CACNA2D1: variants seen among roughly 807,000 people sequenced by gnomAD.
CACNA2D1 encodes the protein voltage-dependent calcium channel subunit alpha-2/delta-1.
A neutral mutation model predicts 171.5 loss-of-function variants in CACNA2D1; 53 were observed. The ratio of observed to expected loss-of-function variants is 0.31; its 90% CI spans 0.25 to 0.39. CACNA2D1 has a LOEUF of 0.39. CACNA2D1 is among the 10% of genes least tolerant of loss of function. The pLI, the probability that CACNA2D1 is intolerant of heterozygous loss-of-function variation, is 1.00. For synonymous variants in CACNA2D1, 442 were observed against 443.1 expected (o/e 1.00, Z 0.03); for missense variants, 903 against 1,299.8 (o/e 0.69, Z 4.69).
At chr7:82,137,616 A>C (rs1446455916) in intron 4 of CACNA2D1, among the ~76,000 whole-genome samples, 2 of 151,438 alleles carry the variant, frequency 1.3e-5, no homozygotes, top group African/African-American at 4.9e-5. Context: ...TCACGCCTGT[A>C]ATCCCAGCAC....
chr7:81,955,905 TGGG>T (rs59823054), intron 38 of CACNA2D1, among the ~76,000 whole-genome samples: 10 of 53,950 alleles, frequency 1.9e-4, no homozygotes, highest in East Asian at 5.2e-4. Flanking sequence ...GTTATTTTGG[TGGG>T]GGGGGGGGGG....
chr7:82,378,773 T>C (rs1230607589), intron 1 of CACNA2D1, among the ~76,000 whole-genome samples: 1 of 152,194 alleles, frequency 6.6e-6, no homozygotes, highest in Non-Finnish European at 1.5e-5. Context: ...AGAATTTGAC[T>C]CTGAGACCTG....
intron 38 of CACNA2D1, among the ~76,000 whole-genome samples, chr7:81,951,718 A>G (rs1358105044): frequency 7.9e-5 from 12 of 152,142 alleles, no homozygotes; most frequent in Admixed American, 4.6e-4. Flanking sequence ...TATATATACC[A>G]CATTTTCTTT....
At chr7:82,233,591 C>T (rs17176295) in intron 3 of CACNA2D1, among the ~76,000 whole-genome samples, 54,815 of 151,866 alleles carry the variant, frequency 0.36, 10,898 homozygotes, top group Non-Finnish European at 0.45. Context: ...AAGTGAAGTA[C>T]ACCAGATGAA....
intron 3 of CACNA2D1, among the ~76,000 whole-genome samples, chr7:82,331,516 A>C (rs74391869): frequency 0.022 from 3,278 of 152,270 alleles, 145 homozygotes; most frequent in African/African-American, 0.074. Flanking sequence ...CAAGGAAGTT[A>C]AGCAAAGAAT....
At chr7:82,428,016 C>G (rs542844869) in intron 1 of CACNA2D1, among the ~76,000 whole-genome samples, 40 of 152,000 alleles carry the variant, frequency 2.6e-4, no homozygotes, top group African/African-American at 9.2e-4. Context: ...TAGTGAGATA[C>G]CAAGACTCCG....
At chr7:82,237,617 C>G (rs1803761979) in intron 3 of CACNA2D1, among the ~76,000 whole-genome samples, 1 of 151,936 alleles carries the variant, frequency 6.6e-6, no homozygotes, top group Non-Finnish European at 1.5e-5. Context: ...AAGCAAAGTA[C>G]AGATTGCAAG....
chr7:82,197,557 ATC>A (rs747166397), intron 3 of CACNA2D1, among the ~76,000 whole-genome samples: 1 of 152,196 alleles, frequency 6.6e-6, no homozygotes, highest in South Asian at 2.1e-4. Context: ...TATGGTAGAA[ATC>A]ACTTTTAATG....
chr7:82,265,416 CTTTTTTTT>C (rs765047961), intron 3 of CACNA2D1, among the ~76,000 whole-genome samples: 2 of 77,306 alleles, frequency 2.6e-5, no homozygotes, highest in Non-Finnish European at 5.1e-5. Context: ...TTTTTCCTTT[CTTTTTTTT>C]TTTTTTTTTT....
rs3054696 is a variant in CACNA2D1, at chr7:82,345,681, A to AGTGTGTGTGTGTGT, written c.177+3873_177+3886dup. On this transcript the variant is annotated intron_variant, in intron 2 of 38. Coordinates refer to ENST00000356860, the MANE Select transcript of CACNA2D1 (RefSeq NM_000722.4). ...CATTTGCCAGTGCAGTAGCTAAAGG[A>AGTGTGTGTGTGTGT]GTGTGTGTGTGTGTGTGTGTGTGTG... 3.8e-4 allele frequency among the ~76,000 whole-genome samples: 55 copies of AGTGTGTGTGTGTGT among 146,442 alleles called. 1 individual carries two copies. Among genetic ancestry groups the AGTGTGTGTGTGTGT allele is most frequent in the South Asian group, 4.4e-4 (2 of 4,508 alleles).
chr7:82,115,448 CT>C (rs1312394891), intron 6 of CACNA2D1, among the ~76,000 whole-genome samples: 3 of 151,798 alleles, frequency 2.0e-5, no homozygotes, highest in Non-Finnish European at 4.4e-5. Flanking sequence ...TTAAAAAGGG[CT>C]TGGAATTAAT....
chr7:82,394,936 T>C (rs1034582867), intron 1 of CACNA2D1, among the ~76,000 whole-genome samples: 12 of 145,060 alleles, frequency 8.3e-5, no homozygotes, highest in African/African-American at 2.4e-4. Flanking sequence ...ACCAGCTTCA[T>C]TATTTTTTTA....
chr7:82,081,935 G>A (rs185339200), intron 7 of CACNA2D1, among the ~76,000 whole-genome samples: 1 of 152,226 alleles, frequency 6.6e-6, no homozygotes, highest in Non-Finnish European at 1.5e-5. Flanking sequence ...TGTGGGGCTT[G>A]TGGTTAGACC....
chr7:82,185,370 A>G (rs1797554830), intron 3 of CACNA2D1, among the ~76,000 whole-genome samples: 2 of 150,120 alleles, frequency 1.3e-5, no homozygotes, highest in South Asian at 4.3e-4. Flanking sequence ...GCAGAAAGCT[A>G]TATAAACATT....
At chr7:82,016,620 C>G (rs1392392316) in intron 12 of CACNA2D1, among the ~76,000 whole-genome samples, 3 of 120,202 alleles carry the variant, frequency 2.5e-5, no homozygotes, top group Admixed American at 8.4e-5. Flanking sequence ...GCCCCCCCCC[C>G]CCAAAAAAAA....
At chr7:82,282,628 C>T (rs117729573) in intron 3 of CACNA2D1, among the ~76,000 whole-genome samples, 114 of 150,548 alleles carry the variant, frequency 7.6e-4, no homozygotes, top group Non-Finnish European at 1.5e-3. Flanking sequence ...AGTTCATATA[C>T]TGCCAACAAA....
chr7:82,146,351 G>GATAT (rs141319970), intron 4 of CACNA2D1, among the ~76,000 whole-genome samples: 20,620 of 123,336 alleles, frequency 0.17, 2,544 homozygotes, highest in East Asian at 0.37. Context: ...TAGAAGAAAT[G>GATAT]ATATATATAT....
At chr7:82,075,299 T>TTTA (rs1808829477) in intron 7 of CACNA2D1, among the ~76,000 whole-genome samples, 1 of 152,054 alleles carries the variant, frequency 6.6e-6, no homozygotes, top group East Asian at 1.9e-4. Flanking sequence ...AGCATTTTTA[T>TTTA]TTAAAGGGGT....
At chr7:82,135,702 A>G (rs991610749) in intron 5 of CACNA2D1, among the ~76,000 whole-genome samples, 8 of 152,046 alleles carry the variant, frequency 5.3e-5, no homozygotes, top group African/African-American at 1.4e-4. Context: ...GACTTGTTTT[A>G]TGTATTTTTT....
Sources: allele counts gnomAD v4.1 joint callset (sites outside exome capture counted in the v4.1 genomes callset), GRCh38; gene constraint gnomAD v4.1.1; transcripts MANE v1.5; gene names NCBI Gene and HGNC (gene_info 2026-07-23, HGNC 2026-07-21).